The following IL16 variants were observed in gnomAD, a reference collection of about 807,000 sequenced individuals.
IL16 encodes the protein interleukin 16.
In IL16, 67 loss-of-function variants were observed where a neutral mutation model predicts 110.1. The observed-to-expected ratio is 0.61, with a 90% CI of 0.50 to 0.75. The LOEUF (loss-of-function observed/expected upper bound fraction) is 0.75, where lower values mean the gene tolerates loss of function less well. Among genes scored for constraint, IL16 ranks in the 30% least tolerant of loss-of-function variants. IL16 has a pLI of 0.00. For missense variants in IL16, 1,545 were observed against 1,655.0 expected, an observed-to-expected ratio of 0.93 and a Z score of 1.15; for synonymous variants, 689 against 662.9, an observed-to-expected ratio of 1.04 and a Z score of -0.61.
At chr15:81,204,598 T>C (rs1022480380) in intron 1 of IL16, among the ~76,000 whole-genome samples, 10 of 152,342 alleles carry the variant, frequency 6.6e-5, no homozygotes, top group Non-Finnish European at 4.4e-5. Flanking sequence ...TTTTTGTCTT[T>C]GGTTCTGTTT....
chr15:81,192,656 C>T (rs1895516579), upstream of IL16, among the ~76,000 whole-genome samples: 1 of 152,058 alleles, frequency 6.6e-6, no homozygotes, highest in Non-Finnish European at 1.5e-5. Flanking sequence ...AATTCAAAGC[C>T]CTTGCAAATT....
intron 2 of IL16, among the ~76,000 whole-genome samples, chr15:81,258,527 TC>T (rs1898028992): frequency 6.6e-6 from 1 of 151,994 alleles, no homozygotes; most frequent in African/African-American, 2.4e-5. Flanking sequence ...ATGATGAAAC[TC>T]CGTCTCTACA....
At chr15:81,242,128 G>A (rs1897358380) in intron 2 of IL16, among the ~76,000 whole-genome samples, 1 of 152,038 alleles carries the variant, frequency 6.6e-6, no homozygotes, top group African/African-American at 2.4e-5. Context: ...ATCACACAGT[G>A]CTGAATTCTG....
At chr15:81,182,798 C>A in exon 1 of IL16, 1 of 1,166,606 alleles carries the variant, frequency 8.6e-7, no homozygotes, top group Non-Finnish European at 1.1e-6. Context: ...CCATGGACCC[C>A]TGATCCTGGT....
intron 1 of IL16, 42 bp downstream of exon 1, chr15:81,197,194 C>G: frequency 1.6e-6 from 2 of 1,252,838 alleles, no homozygotes; most frequent in East Asian, 5.8e-5. Context: ...TCCAGGTGGC[C>G]GTTACCGGAG....
intron 12 of IL16, chr15:81,295,509 G>C: frequency 7.8e-7 from 1 of 1,289,332 alleles, no homozygotes; most frequent in Non-Finnish European, 1.0e-6. Context: ...AACTTACAGA[G>C]CTCCCAACCA....
At chr15:81,195,124 C>T (rs1165057878), upstream of IL16, among the ~76,000 whole-genome samples, 7 of 152,176 alleles carry the variant, frequency 4.6e-5, no homozygotes, top group Non-Finnish European at 1.5e-5. Flanking sequence ...CTCAACTACA[C>T]TTTGGAATAA....
In IL16 at chr15:81,282,756, G is replaced by T. The variant is rs755840289; in HGVS notation, c.1199G>T (p.Arg400Leu). The T allele has an allele frequency of 1.9e-6, 3 of 1,601,582 alleles. No homozygotes were observed. The highest frequency in any genetic ancestry group is 1.3e-5 in the African/African-American group (1 of 74,786). ...GTGGCGCACCTGGACGGACGTCTCC[G>T]GTATGTCCTCACTTCTGTTTCTGAA... ...GSVAHLDGRLRCGDEIVEISD... is the reference protein window; with the variant it reads ...GSVAHLDGRLLCGDEIVEISD... The change falls in exon 9 of 19, where the codon CGG becomes CTG. Residue 400 changes from arginine (R) to leucine (L), a missense_variant and splice_region_variant. Around this residue, in one of 3 missense-constraint regions of IL16, gnomAD observed 1,185 missense variants for 1,238.8 expected, o/e 0.96. Transcript: ENST00000683961.
At chr15:81,223,815 G>A (rs961408374) in intron 1 of IL16, among the ~76,000 whole-genome samples, 1 of 152,198 alleles carries the variant, frequency 6.6e-6, no homozygotes, top group South Asian at 2.1e-4. Context: ...TCAGGAGTGA[G>A]AGTGTCTCCT....
At chr15:81,207,979 T>A (rs951564557) in intron 1 of IL16, among the ~76,000 whole-genome samples, 1 of 152,252 alleles carries the variant, frequency 6.6e-6, no homozygotes, top group East Asian at 1.9e-4. Context: ...GCCAAACTAG[T>A]TTACATTCCC....
At chr15:81,232,276 C>A (rs1052562230) in intron 2 of IL16, among the ~76,000 whole-genome samples, 26 of 151,928 alleles carry the variant, frequency 1.7e-4, no homozygotes, top group Non-Finnish European at 3.2e-4. Flanking sequence ...CCAATCGTTA[C>A]CTACCATTTC....
At chr15:81,189,581 A>T (rs1183352489) in intron 1 of IL16, among the ~76,000 whole-genome samples, 2 of 152,184 alleles carry the variant, frequency 1.3e-5, no homozygotes, top group East Asian at 3.9e-4. Context: ...CACTACGACC[A>T]GTCAAGTGAT....
rs1396604819 is a variant in IL16 at position 81,295,300 on chromosome 15, G to A, written c.1903-1628G>A. On this transcript the variant is annotated intron_variant, in intron 12 of 18. Transcript: ENST00000683961. ...ATGGTTCCAGGAAACACTAGTAAGA[G>A]AAAAATTTGTGTAAAATCAAATTTA... The A allele has an allele frequency of 2.1e-5, 23 of 1,070,144 alleles. 1 individual carries two copies. The South Asian group carries it at 2.7e-4, about 12-fold the overall frequency. The allele number at this position is 1,070,144 out of a possible 1,614,324, so 66.3% of individuals were successfully genotyped here.
chr15:81,309,042 T>A lies in IL16; in HGVS notation c.*244T>A, dbSNP rs1900719416. ...TTGCAGACTGTGTAAAAAGAGAGCT[T>A]AATGATAATATTGTGGTGCCACAAA... On this transcript the variant is annotated 3_prime_UTR_variant, in exon 19 of 19. Coordinates refer to ENST00000683961, the MANE Select transcript of IL16 (RefSeq NM_172217.5). 1 of 412,244 alleles carries A rather than the reference T, an allele frequency of 2.4e-6. No homozygotes were observed. Among genetic ancestry groups the A allele is most frequent in the South Asian group, 6.7e-5 (1 of 15,016 alleles). The allele number at this position is 412,244 out of a possible 1,614,324, so 25.5% of individuals were successfully genotyped here. A position where few individuals can be genotyped will look rare whatever the true frequency, so the allele number is the denominator to read the frequency against.
intron 1 of IL16, among the ~76,000 whole-genome samples, chr15:81,212,631 C>T (rs772868904): frequency 2.0e-5 from 3 of 151,982 alleles, no homozygotes; most frequent in Non-Finnish European, 4.4e-5. Flanking sequence ...TCCACCGCAC[C>T]CAGCTAAGTT....
At chr15:81,185,742 C>T (rs1402864145) in intron 1 of IL16, among the ~76,000 whole-genome samples, 1 of 152,178 alleles carries the variant, frequency 6.6e-6, no homozygotes, top group African/African-American at 2.4e-5. Context: ...GAGGCTGTAA[C>T]AGGGAACTGG....
intron 1 of IL16, among the ~76,000 whole-genome samples, chr15:81,219,790 G>A (rs1333501368): frequency 6.6e-6 from 1 of 152,086 alleles, no homozygotes; most frequent in Non-Finnish European, 1.5e-5. Context: ...TGGTTTCCTT[G>A]AGAACACTTC....
At chr15:81,207,542 A>G (rs1222472842) in intron 1 of IL16, among the ~76,000 whole-genome samples, 2 of 133,592 alleles carry the variant, frequency 1.5e-5, no homozygotes, top group African/African-American at 2.8e-5. Flanking sequence ...CTAGTAGTCC[A>G]TGGTGTCTGT....
intron 12 of IL16, among the ~76,000 whole-genome samples, chr15:81,294,135 G>A (rs571212560): frequency 5.9e-5 from 9 of 152,224 alleles, no homozygotes; most frequent in Non-Finnish European, 1.2e-4. Flanking sequence ...CTTCAGGAGG[G>A]GTAGCGGTGG....
Sources: gnomAD v4.1 joint callset for allele counts (sites outside exome capture counted in the v4.1 genomes callset) on GRCh38, gnomAD v4.1.1 for gene constraint, gnomAD v4.1.1 regional missense constraint, MANE v1.5 for transcripts, NCBI Gene and HGNC (gene_info 2026-07-23, HGNC 2026-07-21) for gene names.